SKAP1: variants seen among roughly 807,000 people sequenced by gnomAD.
The protein encoded by SKAP1 is src kinase-associated phosphoprotein 1.
A neutral mutation model predicts 58.5 loss-of-function variants in SKAP1; 44 were observed. That is an observed-to-expected ratio of 0.75 (90% CI 0.59 to 0.97). The LOEUF is 0.97. Ranked by LOEUF, SKAP1 falls within the 50% of genes least tolerant of loss-of-function variation. The pLI is 0.00. For synonymous variants in SKAP1, 127 were observed against 149.7 expected (o/e 0.85, Z 1.11); for missense variants, 390 against 435.2 (o/e 0.90, Z 0.92).
chr17:48,439,333 A>G, the SKAP1 span, among the ~76,000 whole-genome samples: 1 of 152,236 alleles, frequency 6.6e-6, no homozygotes, highest in Admixed American at 6.5e-5. Context: ...CTTAATGACA[A>G]ATTGTAAGAT....
chr17:48,188,099 G>A (rs986595840), intron 5 of SKAP1, among the ~76,000 whole-genome samples, 173 bp from the exon 6 acceptor site: 4 of 152,150 alleles, frequency 2.6e-5, no homozygotes, highest in Non-Finnish European at 4.4e-5. Flanking sequence ...CAGGGTCCAG[G>A]GGACTAGCTC....
intron 3 of SKAP1, among the ~76,000 whole-genome samples, chr17:48,354,644 A>G (rs1295025553): frequency 6.6e-6 from 1 of 152,206 alleles, no homozygotes; most frequent in Non-Finnish European, 1.5e-5. Flanking sequence ...CCCCTTGCCT[A>G]TAACTTAGCA....
At chr17:48,374,100 T>G (rs1402453651) in intron 2 of SKAP1, among the ~76,000 whole-genome samples, 1 of 152,158 alleles carries the variant, frequency 6.6e-6, no homozygotes, top group Non-Finnish European at 1.5e-5. Context: ...AGTGACACAA[T>G]CTCAGCTCAC....
intron 4 of SKAP1, among the ~76,000 whole-genome samples, chr17:48,341,873 T>C (rs932828399): frequency 2.0e-5 from 3 of 152,222 alleles, no homozygotes; most frequent in Non-Finnish European, 2.9e-5. Context: ...AACGTAAACA[T>C]ATATAACAAA....
rs371301906 is a variant in SKAP1 at position 48,430,039 on chromosome 17, G to T, written c.46+36C>A. 8 of 1,262,098 alleles carry T rather than the reference G, an allele frequency of 6.3e-6. No individual in the cohort carries two copies. The East Asian group carries it at 1.9e-4, about 29-fold the overall frequency. 78.2% of individuals were successfully genotyped at this position (1,262,098 alleles called of 1,614,324 possible). A position where few individuals can be genotyped will look rare whatever the true frequency, so the allele number is the denominator to read the frequency against. On this transcript the variant is annotated intron_variant, in intron 1 of 12. Transcript: ENST00000336915. ...GCCTGGTGTCCCCTTTCGGCCTTCGGCTCAGCACTGGAGGGGGCCTGCGCC... is the reference window on the plus strand; with the variant it reads ...GCCTGGTGTCCCCTTTCGGCCTTCGTCTCAGCACTGGAGGGGGCCTGCGCC...
intron 4 of SKAP1, among the ~76,000 whole-genome samples, chr17:48,326,140 G>T (rs2066434376): frequency 6.6e-6 from 1 of 152,054 alleles, no homozygotes; most frequent in African/African-American, 2.4e-5. Flanking sequence ...TCCTTCCAGG[G>T]GTGTAAAGCA....
At chr17:48,185,746 C>T (rs1047548035) in intron 6 of SKAP1, among the ~76,000 whole-genome samples, 1 of 152,168 alleles carries the variant, frequency 6.6e-6, no homozygotes, top group South Asian at 2.1e-4. Context: ...AAAGACTGTG[C>T]TCACCTGGTT....
intron 9 of SKAP1, among the ~76,000 whole-genome samples, chr17:48,174,865 C>G (rs1008786983): frequency 3.9e-5 from 6 of 152,202 alleles, no homozygotes; most frequent in African/African-American, 9.7e-5. Flanking sequence ...AAATTAACCT[C>G]TAAAGATTAC....
At chr17:48,284,156 C>A (rs1166947073) in intron 4 of SKAP1, among the ~76,000 whole-genome samples, 1 of 152,134 alleles carries the variant, frequency 6.6e-6, no homozygotes, top group Non-Finnish European at 1.5e-5. Flanking sequence ...GTTGACTGGC[C>A]AATTCAACTC....
At chr17:48,234,955 A>G (rs898186397) in intron 4 of SKAP1, among the ~76,000 whole-genome samples, 1 of 152,214 alleles carries the variant, frequency 6.6e-6, no homozygotes, top group Non-Finnish European at 1.5e-5. Context: ...GGAGATCTCA[A>G]TGTATTTTAA....
intron 1 of SKAP1, among the ~76,000 whole-genome samples, chr17:48,400,903 T>G (rs762248688): frequency 1.3e-5 from 2 of 152,220 alleles, no homozygotes; most frequent in Non-Finnish European, 2.9e-5. Context: ...AAAGCTTTTA[T>G]GTAACCCCTA....
chr17:48,292,144 AAAG>A (rs202084258), intron 4 of SKAP1, among the ~76,000 whole-genome samples: 7,459 of 147,876 alleles, frequency 0.05, 226 homozygotes, highest in East Asian at 0.18. Flanking sequence ...AAAAAAAAAA[AAAG>A]AAAGAAAGAA....
intron 4 of SKAP1, among the ~76,000 whole-genome samples, chr17:48,209,396 T>C (rs2064845590): frequency 6.6e-6 from 1 of 152,078 alleles, no homozygotes; most frequent in Admixed American, 6.6e-5. Context: ...AGAAACAAAA[T>C]AGTTGAGAAG....
chr17:48,310,436 A>G (rs1460297988), intron 4 of SKAP1, among the ~76,000 whole-genome samples: 1 of 152,188 alleles, frequency 6.6e-6, no homozygotes, highest in Non-Finnish European at 1.5e-5. Context: ...TTCTCTCCCA[A>G]TGTGAAAAAT....
intron 4 of SKAP1, among the ~76,000 whole-genome samples, chr17:48,326,889 CTTT>C (rs35868072): frequency 1.6e-5 from 2 of 121,590 alleles, no homozygotes; most frequent in African/African-American, 3.2e-5. Flanking sequence ...TTCTTTCTTT[CTTT>C]TTTTTTTTTT....
intron 4 of SKAP1, among the ~76,000 whole-genome samples, chr17:48,340,905 A>G (rs774510368): frequency 4.6e-5 from 7 of 152,220 alleles, no homozygotes; most frequent in Admixed American, 1.3e-4. Context: ...AAGGAAAATG[A>G]GTTGGAAAGC....
intron 4 of SKAP1, among the ~76,000 whole-genome samples, chr17:48,299,882 A>G (rs2066035825): frequency 6.6e-6 from 1 of 152,092 alleles, no homozygotes; most frequent in Non-Finnish European, 1.5e-5. Context: ...CTCCAGGTGG[A>G]AGGCACAGGG....
At chr17:48,340,426 G>T (rs1363367726) in intron 4 of SKAP1, among the ~76,000 whole-genome samples, 1 of 151,916 alleles carries the variant, frequency 6.6e-6, no homozygotes, top group African/African-American at 2.4e-5. Context: ...GTCCTCTCAG[G>T]AGAGAAAAGA....
chr17:48,177,622 T>C (rs2064308747), intron 9 of SKAP1, among the ~76,000 whole-genome samples: 1 of 152,056 alleles, frequency 6.6e-6, no homozygotes, highest in African/African-American at 2.4e-5. Flanking sequence ...AAGGAGACAG[T>C]GTTAGGCCCC....
Sources: allele counts gnomAD v4.1 joint callset (sites outside exome capture counted in the v4.1 genomes callset), GRCh38; gene constraint gnomAD v4.1.1; transcripts MANE v1.5; gene names NCBI Gene and HGNC (gene_info 2026-07-23, HGNC 2026-07-21).